Variants in SCNN1B observed in about 807,000 individuals in gnomAD.
SCNN1B encodes the protein epithelial sodium channel subunit beta.
SCNN1B carries 46 observed loss-of-function variants against 65.3 expected under a neutral mutation model. That is an observed-to-expected ratio of 0.70 (90% CI 0.56 to 0.90). The LOEUF is 0.90. Among genes scored for constraint, SCNN1B ranks in the 40% least tolerant of loss-of-function variants. The pLI, the probability that SCNN1B is intolerant of heterozygous loss-of-function variation, is 0.00. For synonymous variants in SCNN1B, 349 were observed against 330.6 expected, an observed-to-expected ratio of 1.06 and a Z score of -0.60; for missense variants, 751 against 830.5, an observed-to-expected ratio of 0.90 and a Z score of 1.18.
chr16:23,360,595 T>C (rs1225569285), intron 4 of SCNN1B, among the ~76,000 whole-genome samples: 1 of 146,276 alleles, frequency 6.8e-6, no homozygotes, highest in Non-Finnish European at 1.5e-5. Flanking sequence ...GTGGTGGTTT[T>C]TTTTTTTTTT....
intron 1 of SCNN1B, among the ~76,000 whole-genome samples, chr16:23,333,139 A>G (rs189777836): frequency 0.11 from 12,398 of 113,906 alleles, 767 homozygotes; most frequent in African/African-American, 0.16. Flanking sequence ...GGGAGGGAGG[A>G]AGGAAGGAAA....
intron 4 of SCNN1B, among the ~76,000 whole-genome samples, chr16:23,360,201 A>AAAATAAATAAATAAATAAAT (rs781261312): frequency 0.01 from 1,372 of 132,804 alleles, 19 homozygotes; most frequent in South Asian, 0.035. Flanking sequence ...CCATCTCAAA[A>AAAATAAATAAATAAATAAAT]AAATAAATAA....
rs1009662037 is a variant in SCNN1B at position 23,363,633 on chromosome 16, C to T, written c.777-4223C>T. ...TTCAAGACCAGCCTGGGCAACATAG[C>T]AAGACCCCATCTCCACAAAAAATTT... On this transcript the variant is annotated intron_variant, in intron 4 of 12. Coordinates refer to ENST00000343070, the MANE Select transcript of SCNN1B (RefSeq NM_000336.3). Among the ~76,000 whole-genome samples the T allele has an allele frequency of 2.6e-5, 4 of 151,582 alleles. No individual in the cohort carries two copies. The East Asian group carries it at 7.8e-4, about 30-fold the overall frequency.
intron 1 of SCNN1B, among the ~76,000 whole-genome samples, chr16:23,309,573 G>A (rs1317563904): frequency 6.6e-6 from 1 of 152,234 alleles, no homozygotes; most frequent in Non-Finnish European, 1.5e-5. Flanking sequence ...GGAGTCCGAT[G>A]TTTGAAAGCG....
intron 2 of SCNN1B, among the ~76,000 whole-genome samples, chr16:23,293,438 T>C (rs1960954752): frequency 6.6e-6 from 1 of 152,214 alleles, no homozygotes; most frequent in South Asian, 2.1e-4. Flanking sequence ...CGAGTTTGAT[T>C]CCACTTATAC....
chr16:23,333,849 CAGAG>C (rs1018977156), intron 1 of SCNN1B, among the ~76,000 whole-genome samples: 18 of 152,164 alleles, frequency 1.2e-4, no homozygotes, highest in Middle Eastern at 3.2e-3. Flanking sequence ...AATAAAGACT[CAGAG>C]AGACCAACCT....
chr16:23,376,173 GC>G (rs1962890773), intron 8 of SCNN1B, among the ~76,000 whole-genome samples: 1 of 152,238 alleles, frequency 6.6e-6, no homozygotes, highest in Non-Finnish European at 1.5e-5. Flanking sequence ...GTGGCTGCTG[GC>G]GAGTGTGTGC....
chr16:23,329,798 A>G (rs1370232762), intron 1 of SCNN1B, among the ~76,000 whole-genome samples: 1 of 152,158 alleles, frequency 6.6e-6, no homozygotes, highest in Admixed American at 6.6e-5. Flanking sequence ...TAACCAGGCG[A>G]TAGAAGGCTT....
chr16:23,380,223 C>T lies in SCNN1B; in HGVS notation c.1542+54C>T. On this transcript the variant is annotated intron_variant, in intron 12 of 12. Coordinates refer to ENST00000343070, the MANE Select transcript of SCNN1B (RefSeq NM_000336.3). The surrounding 1 kb of genome is among the most constrained non-coding windows in gnomAD (Gnocchi z 5.4). ...GCCCTGCCCTGCCCTGACCCCTGCA[C>T]CCTGAGGGTGGGGGAAGGGTTCTGA... is the stretch of plus-strand genomic sequence containing the variant. 1 of 1,538,044 alleles carries T rather than the reference C, an allele frequency of 6.5e-7. No individual in the cohort carries two copies. Among genetic ancestry groups the T allele is most frequent in the Non-Finnish European group, 9.0e-7 (1 of 1,110,792 alleles).
chr16:23,315,524 C>G (rs1229935077), intron 1 of SCNN1B, among the ~76,000 whole-genome samples: 1 of 152,306 alleles, frequency 6.6e-6, no homozygotes, highest in African/African-American at 2.4e-5. Flanking sequence ...GGCATGGGAG[C>G]CTAGTGCAGT....
At chr16:23,304,982 G>A (rs1961163725) in intron 1 of SCNN1B, among the ~76,000 whole-genome samples, 1 of 152,120 alleles carries the variant, frequency 6.6e-6, no homozygotes, top group Non-Finnish European at 1.5e-5. Context: ...ACCTGGAGAT[G>A]GCCCTTGGGT....
At chr16:23,360,866 C>T (rs1028651029) in intron 4 of SCNN1B, among the ~76,000 whole-genome samples, 1 of 152,052 alleles carries the variant, frequency 6.6e-6, no homozygotes, top group Non-Finnish European at 1.5e-5. Context: ...ACTATCTCGG[C>T]TCACCACAAG....
Position 23,380,449 on chromosome 16 carries a change from GC to G in SCNN1B, c.1573del (p.Gln525SerfsTer151). On this transcript the variant is annotated frameshift_variant, in exon 13 of 13. Transcript: ENST00000343070. LOFTEE classifies it high-confidence loss of function. This position sits in a 1 kb window ranked among gnomAD's most constrained non-coding sequence, Gnocchi z 5.4. ...GTCTGGCTGCTCTCGAATCTGGGTG[GC>G]CAGTTTGGCTTCTGGATGGGGGGCT... is the stretch of plus-strand genomic sequence containing the variant. ...NIVWLLSNLG[G>X]QFGFWMGGSV... 1 of 1,614,206 alleles carries G rather than the reference GC, an allele frequency of 6.2e-7. No homozygotes were observed. Among genetic ancestry groups the G allele is most frequent in the Non-Finnish European group, 8.5e-7 (1 of 1,180,042 alleles).
At position 23,377,188 on chromosome 16, in the gene SCNN1B, A is replaced by G; in HGVS notation, c.1294A>G (p.Met432Val). ...DWAHCYSDLQ[M>V]SVAQRETCIG... ...AGCCCATTGCTACTCAGATCTACAG[A>G]TGAGCGTGGCGCAGAGAGAGACCTG... The change falls in exon 9 of 13, where the codon ATG becomes GTG. Residue 432 changes from methionine to valine, a missense_variant. Coordinates refer to ENST00000343070, the MANE Select transcript of SCNN1B (RefSeq NM_000336.3). The G allele has an allele frequency of 6.2e-7, 1 of 1,614,218 alleles. No individual in the cohort carries two copies. Among genetic ancestry groups the G allele is most frequent in the Non-Finnish European group, 8.5e-7 (1 of 1,180,014 alleles).
At chr16:23,379,411 C>T (rs1216740813) in intron 11 of SCNN1B, among the ~76,000 whole-genome samples, 2 of 152,104 alleles carry the variant, frequency 1.3e-5, no homozygotes, top group African/African-American at 2.4e-5. Flanking sequence ...AGGGAAGGAG[C>T]CTCAGTCTGC....
At chr16:23,317,938 A>G (rs1425489020) in intron 1 of SCNN1B, among the ~76,000 whole-genome samples, 1 of 152,234 alleles carries the variant, frequency 6.6e-6, no homozygotes, top group African/African-American at 2.4e-5. Flanking sequence ...ACAACCACAC[A>G]GGGCTGCCCT....
chr16:23,284,363 C>T (rs571253420), intron 2 of SCNN1B, among the ~76,000 whole-genome samples: 21 of 151,976 alleles, frequency 1.4e-4, no homozygotes, highest in Admixed American at 1.1e-3. Context: ...GGAGACAGTG[C>T]CACTGCACTC....
upstream of SCNN1B, among the ~76,000 whole-genome samples, chr16:23,298,373 C>A (rs1018332284): frequency 3.9e-5 from 6 of 152,180 alleles, no homozygotes; most frequent in African/African-American, 1.4e-4. Context: ...CCTGCTCCTG[C>A]AGAGCAAGGC....
intron 1 of SCNN1B, among the ~76,000 whole-genome samples, chr16:23,315,383 A>G (rs566804267): frequency 6.6e-6 from 1 of 152,080 alleles, no homozygotes; most frequent in South Asian, 2.1e-4. Flanking sequence ...TCTCTGATTC[A>G]TGCCTTCCAC....
Sources: gnomAD v4.1 joint callset for allele counts (sites outside exome capture counted in the v4.1 genomes callset) on GRCh38, gnomAD v4.1.1 for gene constraint, Gnocchi (gnomAD v3.1) non-coding constraint, MANE v1.5 for transcripts, NCBI Gene and HGNC (gene_info 2026-07-23, HGNC 2026-07-21) for gene names.